EP400: variants seen among roughly 807,000 people sequenced by gnomAD.
EP400 encodes E1A binding protein p400.
Under a neutral mutation model 354.1 loss-of-function variants are expected in EP400, and 105 were observed. The observed-to-expected ratio is 0.30, with a 90% CI of 0.25 to 0.35. EP400 has a LOEUF of 0.35. Among genes scored for constraint, EP400 ranks in the 10% least tolerant of loss-of-function variants. The pLI is 1.00. For synonymous variants in EP400, 1,646 were observed against 1,716.9 expected (o/e 0.96, Z 1.02); for missense variants, 3,280 against 4,121.0 (o/e 0.80, Z 5.59).
intron 1 of EP400, among the ~76,000 whole-genome samples, chr12:131,955,430 G>T (rs992962400): frequency 1.4e-5 from 2 of 147,278 alleles, no homozygotes; most frequent in African/African-American, 5.0e-5. Context: ...TTACAGGTGC[G>T]CACCACCATG....
In EP400 at chr12:132,006,760, C is replaced by T. The variant is rs772176842; in HGVS notation, c.3187C>T (p.Leu1063=). 1 of 1,614,026 alleles carries T rather than the reference C, an allele frequency of 6.2e-7. No individual in the cohort carries two copies. Among genetic ancestry groups the T allele is most frequent in the Non-Finnish European group, 8.5e-7 (1 of 1,179,996 alleles). Residue 1063 remains leucine, a synonymous_variant, in exon 15 of 53, where the codon CTG becomes TTG. Transcript: ENST00000389561. The part of the protein sequence containing the change: ...GALRDYQKIG[L]DWLAKLYRKN... ...TCTCAGAGATTATCAGAAGATTGGCCTGGACTGGCTGGCCAAACTTTACAG... is the reference window on the plus strand; with the variant it reads ...TCTCAGAGATTATCAGAAGATTGGCTTGGACTGGCTGGCCAAACTTTACAG...
At position 132,043,693 on chromosome 12, in the gene EP400, A is replaced by G; in HGVS notation, c.6415A>G (p.Thr2139Ala). 1 of 1,611,680 alleles carries G rather than the reference A, an allele frequency of 6.2e-7. No homozygotes were observed. Among genetic ancestry groups the G allele is most frequent in the Non-Finnish European group, 8.5e-7 (1 of 1,179,462 alleles). Residue 2139 changes from threonine to alanine, a missense_variant, in exon 34 of 53, where the codon ACT becomes GCT. This residue lies in a region of EP400 where 231 missense variants were observed against 257.9 expected (regional missense o/e 0.90). Transcript: ENST00000389561. The part of the protein sequence containing the change: ...YALNYLELFH[T>A]SIEQEKERNS... ...TTTAAATTACCTGGAATTATTCCATACTTCTATTGAGCAAGAAAAGGAGAG... is the reference window on the plus strand; with the variant it reads ...TTTAAATTACCTGGAATTATTCCATGCTTCTATTGAGCAAGAAAAGGAGAG...
In EP400 at chr12:132,055,003, G is replaced by T; in HGVS notation, c.7758G>T (p.Gly2586=). Residue 2586 remains glycine, a synonymous_variant, in exon 44 of 53, where the codon GGG becomes GGT. Coordinates refer to ENST00000389561, the MANE Select transcript of EP400 (RefSeq NM_015409.5). The part of the protein sequence containing the change: ...LAGTIKTSVT[G]TSMPTGAVSG... ...GAACCATTAAAACATCAGTTACTGGGACGAGCATGCCCACTGGTAAGACAA... is the reference window on the plus strand; with the variant it reads ...GAACCATTAAAACATCAGTTACTGGTACGAGCATGCCCACTGGTAAGACAA... 6.2e-7 allele frequency: 1 copy of T among 1,613,958 alleles called. No individual in the cohort carries two copies. The highest frequency in any genetic ancestry group is 8.5e-7 in the Non-Finnish European group (1 of 1,179,958).
intron 10 of EP400, 120 bp downstream of exon 10, chr12:131,991,576 C>A: frequency 3.0e-5 from 18 of 592,706 alleles, no homozygotes; most frequent in Middle Eastern, 4.0e-4. Context: ...CCTTTCTTTT[C>A]TTTTTTTTTT....
chr12:131,984,337 G>A (rs371442174), intron 5 of EP400, among the ~76,000 whole-genome samples: 2 of 152,172 alleles, frequency 1.3e-5, no homozygotes, highest in Admixed American at 1.3e-4. Context: ...TATTGGCATT[G>A]TTTATTTCCT....
intron 47 of EP400, among the ~76,000 whole-genome samples, chr12:132,063,156 A>G (rs1432434718): frequency 6.6e-6 from 1 of 152,170 alleles, no homozygotes; most frequent in Non-Finnish European, 1.5e-5. Flanking sequence ...GTACTGATGT[A>G]CCTGATTTTT....
chr12:132,062,023 G>A, intron 45 of EP400, 87 bp from the exon 46 acceptor site: 1 of 1,174,854 alleles, frequency 8.5e-7, no homozygotes, highest in Non-Finnish European at 1.2e-6. Context: ...TCTGAAGTTG[G>A]GTGCTCTTGT....
At position 131,990,225 on chromosome 12, in the gene EP400, C is replaced by T. The variant is rs1157100961; in HGVS notation, c.2550+121C>T. 12 of 1,157,730 alleles carry T rather than the reference C, an allele frequency of 1.0e-5. No homozygotes were observed. The Admixed American group carries it at 1.2e-4, about 11-fold the overall frequency. 71.7% of individuals were successfully genotyped at this position (1,157,730 alleles called of 1,614,324 possible). A position where few individuals can be genotyped will look rare whatever the true frequency, so the allele number is the denominator to read the frequency against. ...AGCTTTCGAGCACCAGAGTCAGCAA[C>T]GTGTGCACTCTCCTGGGCTGTTGCT... is the stretch of plus-strand genomic sequence containing the variant. On this transcript the variant is annotated intron_variant, in intron 8 of 52. Coordinates refer to ENST00000389561, the MANE Select transcript of EP400 (RefSeq NM_015409.5). The surrounding 1 kb of genome is among the most constrained non-coding windows in gnomAD (Gnocchi z 4.2).
At chr12:132,053,300 A>T in intron 42 of EP400, 43 bp from the exon 43 acceptor site, 1 of 1,603,060 alleles carries the variant, frequency 6.2e-7, no homozygotes, top group Non-Finnish European at 8.5e-7. Context: ...ATGCAGGCCG[A>T]GTCTGCCCCT....
chr12:132,002,497 T>G (rs1893449643), intron 12 of EP400, among the ~76,000 whole-genome samples: 1 of 151,888 alleles, frequency 6.6e-6, no homozygotes. Flanking sequence ...CCTTGCTGGG[T>G]GGTTGTGGCA....
chr12:132,050,763 C>A lies in EP400; in HGVS notation c.7394+108C>A. The A allele has an allele frequency of 2.2e-6, 3 of 1,388,666 alleles. No individual in the cohort carries two copies. Among genetic ancestry groups the A allele is most frequent in the Non-Finnish European group, 3.1e-6 (3 of 982,974 alleles). 86.0% of individuals were successfully genotyped at this position (1,388,666 alleles called of 1,614,324 possible). The stretch of plus-strand genomic sequence containing the variant: ...TCGTTGTGCACTTAGCGTGTTCAGG[C>A]ATCAGCTGGACGTGGCAGTGCGCAG... On this transcript the variant is annotated intron_variant, in intron 41 of 52. Transcript: ENST00000389561. This position sits in a 1 kb window ranked among gnomAD's most constrained non-coding sequence, Gnocchi z 4.8.
At chr12:132,074,468 C>T (rs1381983056) in intron 51 of EP400, among the ~76,000 whole-genome samples, 2 of 152,144 alleles carry the variant, frequency 1.3e-5, no homozygotes, top group African/African-American at 2.4e-5. Flanking sequence ...CCTCTCTCCC[C>T]CACTGTCTGC....
At chr12:132,044,392 C>CTT in intron 35 of EP400, 81 bp downstream of exon 35, 1 of 1,520,690 alleles carries the variant, frequency 6.6e-7, no homozygotes, top group Non-Finnish European at 8.8e-7. Context: ...TGTTCAAAGT[C>CTT]TGTGTACATT....
rs1018498473 is a variant in EP400 at position 132,067,042 on chromosome 12, G to A, written c.8749+73G>A. The A allele has an allele frequency of 2.1e-5, 30 of 1,441,884 alleles. No individual in the cohort carries two copies. The highest frequency in any genetic ancestry group is 5.6e-5 in the Admixed American group (2 of 35,622). The allele number at this position is 1,441,884 out of a possible 1,614,324, so 89.3% of individuals were successfully genotyped here. On this transcript the variant is annotated intron_variant, in intron 49 of 52. Transcript: ENST00000389561. This position sits in a 1 kb window ranked among gnomAD's most constrained non-coding sequence, Gnocchi z 5.3. ...ACAGGCCTCTCTGGTGGCAGTGGTC[G>A]CCAGCGACCCGTGTTCTTTCCTCAC...
intron 30 of EP400, among the ~76,000 whole-genome samples, chr12:132,034,710 C>G (rs968430031): frequency 3.9e-5 from 6 of 152,224 alleles, no homozygotes; most frequent in Non-Finnish European, 7.3e-5. Context: ...CATGAATGTG[C>G]CGCACACCTT....
In EP400 at chr12:132,018,117, C is replaced by T. The variant is rs578057643; in HGVS notation, c.4111-93C>T. ...GTTAGAGGGGGCGCGTCTGGATGCC[C>T]ACGTTAGGGCCCTGCCATAGAAATC... On this transcript the variant is annotated intron_variant, in intron 20 of 52. Coordinates refer to ENST00000389561, the MANE Select transcript of EP400 (RefSeq NM_015409.5). This position sits in a 1 kb window ranked among gnomAD's most constrained non-coding sequence, Gnocchi z 4.0. 135 of 1,527,964 alleles carry T rather than the reference C, an allele frequency of 8.8e-5. 1 individual carries two copies. The South Asian group carries it at 1.5e-3, about 17-fold the overall frequency. The allele number at this position is 1,527,964 out of a possible 1,614,324, so 94.7% of individuals were successfully genotyped here.
At position 132,005,092 on chromosome 12, in the gene EP400, T is replaced by A; in HGVS notation, c.2843T>A (p.Leu948Gln). 6.3e-7 allele frequency: 1 copy of A among 1,584,694 alleles called. No homozygotes were observed. Among genetic ancestry groups the A allele is most frequent in the Non-Finnish European group, 8.6e-7 (1 of 1,165,468 alleles). Residue 948 changes from leucine (L) to glutamine (Q), a missense_variant, in exon 13 of 53, where the codon CTG becomes CAG. Leu to Gln is a moderately radical substitution (Grantham distance 113, BLOSUM62 -2). Coordinates refer to ENST00000389561, the MANE Select transcript of EP400 (RefSeq NM_015409.5). Reference protein sequence around the residue: ...NLAKEAELPLLDLMKLYEGAF... With the variant: ...NLAKEAELPLQDLMKLYEGAF... ...CCCTCTGCAGCTGAGCTGCCCCTCC[T>A]GGACCTGATGAAGCTGTACGAAGGC...
At chr12:132,053,938 C>A (rs1895395346) in intron 43 of EP400, among the ~76,000 whole-genome samples, 1 of 152,240 alleles carries the variant, frequency 6.6e-6, no homozygotes, top group Admixed American at 6.5e-5. Flanking sequence ...CACTTCCTGA[C>A]TTCCTACACA....
At chr12:132,022,463 T>G (rs1894150626) in intron 23 of EP400, among the ~76,000 whole-genome samples, 1 of 152,234 alleles carries the variant, frequency 6.6e-6, no homozygotes, top group African/African-American at 2.4e-5. Flanking sequence ...ACTATTCTTT[T>G]TATCATATCA....
Sources: gnomAD v4.1 joint callset for allele counts (sites outside exome capture counted in the v4.1 genomes callset) on GRCh38, gnomAD v4.1.1 for gene constraint, gnomAD v4.1.1 regional missense constraint, Gnocchi (gnomAD v3.1) non-coding constraint, MANE v1.5 for transcripts, NCBI Gene and HGNC (gene_info 2026-07-23, HGNC 2026-07-21) for gene names.